Variants in NAF1 observed in about 807,000 individuals in gnomAD.
NAF1 encodes the protein H/ACA ribonucleoprotein complex non-core subunit NAF1.
In NAF1, 11 loss-of-function variants were observed where a neutral mutation model predicts 40.6. That is an observed-to-expected ratio of 0.27 (90% confidence interval 0.17 to 0.45). NAF1 has a LOEUF of 0.45. NAF1 is among the 20% of genes least tolerant of loss of function. The probability of loss-of-function intolerance (pLI) is 1.00; values close to 1 mark genes in which losing one functional copy is unlikely to be tolerated. For missense variants in NAF1, 607 were observed against 611.1 expected, an observed-to-expected ratio of 0.99 and a Z score of 0.07; for synonymous variants, 260 against 228.5, an observed-to-expected ratio of 1.14 and a Z score of -1.24.
At chr4:163,162,341 G>A (rs1014198688) in intron 2 of NAF1, among the ~76,000 whole-genome samples, 4 of 152,120 alleles carry the variant, frequency 2.6e-5, no homozygotes, top group African/African-American at 9.7e-5. Flanking sequence ...CAGAGATTTA[G>A]GGCAGACTGG....
chr4:163,139,931 A>G (rs1731192977), intron 5 of NAF1, among the ~76,000 whole-genome samples: 1 of 152,180 alleles, frequency 6.6e-6, no homozygotes, highest in African/African-American at 2.4e-5. Context: ...ATACTAAAAT[A>G]GTAAGTACAT....
At chr4:163,104,984 T>C in the NAF1 span, among the ~76,000 whole-genome samples, 1 of 152,238 alleles carries the variant, frequency 6.6e-6, no homozygotes, top group African/African-American at 2.4e-5. Flanking sequence ...GAAATTTTCT[T>C]TATTAGACTC....
intron 2 of NAF1, among the ~76,000 whole-genome samples, chr4:163,116,513 G>A (rs1037515443): frequency 3.3e-5 from 5 of 152,044 alleles, no homozygotes; most frequent in African/African-American, 1.2e-4. Flanking sequence ...AAATTTAACA[G>A]TTTTTTTCCT....
chr4:163,126,987 T>A, downstream of NAF1: 2 of 1,550,880 alleles, frequency 1.3e-6, no homozygotes, highest in Non-Finnish European at 1.7e-6. Context: ...TGCTATTGCA[T>A]ACTTAATAAA....
At chr4:163,110,723 G>T (rs573637060) in intron 2 of NAF1, among the ~76,000 whole-genome samples, 9 of 151,982 alleles carry the variant, frequency 5.9e-5, no homozygotes, top group African/African-American at 2.2e-4. Context: ...TTTGTTTTTG[G>T]TTTTCCTATT....
intron 2 of NAF1, among the ~76,000 whole-genome samples, chr4:163,118,097 C>G (rs1221954628): frequency 6.6e-6 from 1 of 151,782 alleles, no homozygotes; most frequent in African/African-American, 2.4e-5. Context: ...TTTATGATAC[C>G]TTGTGAAATA....
At chr4:163,151,426 G>A (rs1731700362) in intron 2 of NAF1, among the ~76,000 whole-genome samples, 1 of 151,240 alleles carries the variant, frequency 6.6e-6, no homozygotes, top group African/African-American at 2.4e-5. Flanking sequence ...GTATAAAAGT[G>A]CAGCAGTGAT....
chr4:163,142,267 A>G (rs1731291376), intron 4 of NAF1, among the ~76,000 whole-genome samples: 1 of 152,240 alleles, frequency 6.6e-6, no homozygotes, highest in Non-Finnish European at 1.5e-5. Flanking sequence ...ATTCTCTCAC[A>G]TATACACAAA....
intron 2 of NAF1, among the ~76,000 whole-genome samples, chr4:163,153,659 C>G (rs1204327749): frequency 6.6e-6 from 1 of 152,118 alleles, no homozygotes; most frequent in Non-Finnish European, 1.5e-5. Context: ...CTGATGGGGA[C>G]ATGGAGAACC....
chr4:163,160,924 T>C (rs1289386074), intron 2 of NAF1, among the ~76,000 whole-genome samples: 1 of 146,218 alleles, frequency 6.8e-6, no homozygotes, highest in Non-Finnish European at 1.5e-5. Context: ...CTAAGTGACA[T>C]ATCAAGAGGC....
intron 2 of NAF1, among the ~76,000 whole-genome samples, chr4:163,160,070 C>T (rs1383224917): frequency 6.6e-6 from 1 of 152,114 alleles, no homozygotes; most frequent in Non-Finnish European, 1.5e-5. Context: ...TAAAAAGAAT[C>T]TCAATTTTCC....
intron 2 of NAF1, among the ~76,000 whole-genome samples, chr4:163,110,911 A>G (rs1156967699): frequency 6.6e-6 from 1 of 152,144 alleles, no homozygotes; most frequent in Non-Finnish European, 1.5e-5. Flanking sequence ...ACTGAGATAG[A>G]GCTGCTTGAG....
At chr4:163,124,408 A>T (rs1730594587), downstream of NAF1, among the ~76,000 whole-genome samples, 1 of 144,842 alleles carries the variant, frequency 6.9e-6, no homozygotes. Flanking sequence ...TTTATAAGGC[A>T]CTAATCCATA....
At chr4:163,143,682 G>A (rs1425917454) in intron 4 of NAF1, among the ~76,000 whole-genome samples, 2 of 152,178 alleles carry the variant, frequency 1.3e-5, no homozygotes, top group Non-Finnish European at 2.9e-5. Flanking sequence ...TAGGAACAAT[G>A]CTGGCAGGCT....
chr4:163,116,908 T>C (rs1010635751), intron 2 of NAF1, among the ~76,000 whole-genome samples: 3 of 139,458 alleles, frequency 2.2e-5, no homozygotes, highest in Non-Finnish European at 3.1e-5. Flanking sequence ...ATCCCTAACA[T>C]TGCAGAGTCC....
intron 7 of NAF1, 76 bp downstream of exon 7, chr4:163,133,078 T>C: frequency 8.1e-7 from 1 of 1,233,964 alleles, no homozygotes; most frequent in Non-Finnish European, 1.2e-6. Flanking sequence ...AGATGTTTCC[T>C]TCAGTTTTAT....
downstream of NAF1, among the ~76,000 whole-genome samples, chr4:163,125,212 G>C (rs1484286569): frequency 2.6e-5 from 4 of 152,148 alleles, 1 homozygote; most frequent in Non-Finnish European, 4.4e-5. Flanking sequence ...TGACCTCTAA[G>C]TATTCAAGTG....
At chr4:163,111,857 C>T (rs189296595) in intron 2 of NAF1, among the ~76,000 whole-genome samples, 1 of 152,062 alleles carries the variant, frequency 6.6e-6, no homozygotes, top group African/African-American at 2.4e-5. Context: ...GTCCTGGAAG[C>T]CAAGTGGGAA....
At chr4:163,108,502 A>G (rs183510073), downstream of NAF1, among the ~76,000 whole-genome samples, 28 of 152,354 alleles carry the variant, frequency 1.8e-4, no homozygotes, top group East Asian at 4.0e-3. Flanking sequence ...ACTGAATTCA[A>G]TAAGAGAAAG....
Sources: allele counts gnomAD v4.1 joint callset (sites outside exome capture counted in the v4.1 genomes callset), GRCh38; gene constraint gnomAD v4.1.1; transcripts MANE v1.5; gene names NCBI Gene and HGNC (gene_info 2026-07-23, HGNC 2026-07-21).